The following RNF212B variants were observed in gnomAD, a reference collection of about 807,000 sequenced individuals.
The protein encoded by RNF212B is ring finger protein 212B.
Under a neutral mutation model 55.5 loss-of-function variants are expected in RNF212B, and 52 were observed. The ratio of observed to expected loss-of-function variants is 0.94; its 90% CI spans 0.75 to 1.18. The LOEUF (loss-of-function observed/expected upper bound fraction) is 1.18, where lower values mean the gene tolerates loss of function less well. RNF212B is among the 50% of genes most tolerant of loss of function. The probability of loss-of-function intolerance (pLI) is 0.00; values close to 1 mark genes in which losing one functional copy is unlikely to be tolerated. For synonymous variants in RNF212B, 99 were observed against 121.4 expected, an observed-to-expected ratio of 0.82 and a Z score of 1.21; for missense variants, 289 against 350.4, an observed-to-expected ratio of 0.82 and a Z score of 1.40.
chr14:23,270,122 A>G (rs1885970264), intron 13 of RNF212B, among the ~76,000 whole-genome samples, 162 bp downstream of exon 13: 1 of 152,162 alleles, frequency 6.6e-6, no homozygotes, highest in African/African-American at 2.4e-5. Context: ...TTTTCTTCAG[A>G]GTGAAGGGAA....
intron 2 of RNF212B, among the ~76,000 whole-genome samples, chr14:23,193,629 A>G (rs139594837): frequency 6.6e-6 from 1 of 152,304 alleles, no homozygotes; most frequent in African/African-American, 2.4e-5. Flanking sequence ...AGCGATAGTG[A>G]CACAGAAAAG....
At chr14:23,219,321 G>A (rs969451135) in intron 2 of RNF212B, among the ~76,000 whole-genome samples, 1 of 152,106 alleles carries the variant, frequency 6.6e-6, no homozygotes, top group African/African-American at 2.4e-5. Flanking sequence ...TTCTACTCTT[G>A]TCTTAAATAG....
chr14:23,192,478 T>C (rs577201643), intron 1 of RNF212B, among the ~76,000 whole-genome samples: 35 of 137,038 alleles, frequency 2.6e-4, no homozygotes, highest in African/African-American at 8.9e-4. Flanking sequence ...TAGGTGGGAA[T>C]TGAACAATGA....
chr14:23,240,556 GGT>G, intron 2 of RNF212B, 111 bp downstream of exon 2: 1 of 625,958 alleles, frequency 1.6e-6, no homozygotes, highest in Non-Finnish European at 2.8e-6. Context: ...TTAGGTCAAT[GGT>G]GATAAAGATA....
At chr14:23,211,248 T>C (rs1846456870) in intron 2 of RNF212B, among the ~76,000 whole-genome samples, 1 of 150,886 alleles carries the variant, frequency 6.6e-6, no homozygotes, top group South Asian at 2.1e-4. Flanking sequence ...AGCAACAAAT[T>C]GAACAACTTA....
At chr14:23,262,796 A>G in intron 8 of RNF212B, 85 bp downstream of exon 8, 1 of 1,446,690 alleles carries the variant, frequency 6.9e-7, no homozygotes, top group South Asian at 1.2e-5. Context: ...AGAGACAATA[A>G]TGTGATCTTC....
intron 2 of RNF212B, among the ~76,000 whole-genome samples, chr14:23,212,016 C>A (rs1880570128): frequency 2.6e-5 from 4 of 152,184 alleles, no homozygotes; most frequent in Admixed American, 2.6e-4. Context: ...GCATGAGCCA[C>A]CGTGCCTGAC....
chr14:23,196,046 T>C (rs943827803), intron 2 of RNF212B, among the ~76,000 whole-genome samples: 4 of 152,170 alleles, frequency 2.6e-5, no homozygotes, highest in Admixed American at 2.6e-4. Flanking sequence ...ATTTCTCAAT[T>C]CTTCTCTGGA....
intron 2 of RNF212B, among the ~76,000 whole-genome samples, chr14:23,241,938 C>T (rs1473129223): frequency 3.3e-5 from 5 of 150,992 alleles, no homozygotes; most frequent in Non-Finnish European, 7.4e-5. Context: ...AAAAATTAGC[C>T]GGGCATGGTG....
At chr14:23,225,657 G>A (rs1010118042) in intron 2 of RNF212B, among the ~76,000 whole-genome samples, 1 of 152,012 alleles carries the variant, frequency 6.6e-6, no homozygotes, top group Admixed American at 6.6e-5. Context: ...AGGCGGGGAA[G>A]GGTAGTGGGG....
intron 2 of RNF212B, among the ~76,000 whole-genome samples, chr14:23,219,230 A>G (rs1280997947): frequency 6.6e-6 from 1 of 152,230 alleles, no homozygotes; most frequent in African/African-American, 2.4e-5. Flanking sequence ...GCTAATGAGC[A>G]AGAAGAAATC....
At chr14:23,201,285 AAAGAG>A (rs1879265121) in intron 2 of RNF212B, among the ~76,000 whole-genome samples, 1 of 152,188 alleles carries the variant, frequency 6.6e-6, no homozygotes, top group South Asian at 2.1e-4. Context: ...ACCATCTTCT[AAAGAG>A]AACCAAAACA....
At chr14:23,237,002 C>T (rs541607382), upstream of RNF212B, among the ~76,000 whole-genome samples, 110 of 147,560 alleles carry the variant, frequency 7.5e-4, no homozygotes, top group Middle Eastern at 3.4e-3. Context: ...CTTGCTCCCT[C>T]AACCAGGTTG....
chr14:23,255,995 TG>T (rs750289866), intron 4 of RNF212B, among the ~76,000 whole-genome samples: 1 of 152,186 alleles, frequency 6.6e-6, no homozygotes, highest in Non-Finnish European at 1.5e-5. Context: ...CTTCTTGGAA[TG>T]ATCAGTTTTT....
At chr14:23,214,009 GCT>G (rs1383184541) in intron 2 of RNF212B, among the ~76,000 whole-genome samples, 1 of 152,158 alleles carries the variant, frequency 6.6e-6, no homozygotes, top group African/African-American at 2.4e-5. Context: ...TGTAGTCCTA[GCT>G]GCTTGAGAGG....
At position 23,211,582 on chromosome 14, in the gene RNF212B, C is replaced by T. The variant is rs77661932; in HGVS notation, c.-2+18181C>T. On this transcript the variant is annotated intron_variant, in intron 2 of 15. Transcript: ENST00000399910. The stretch of plus-strand genomic sequence containing the variant: ...GAAAACTAAAGACCAGTTCCTCTCA[C>T]GAACATAAATGCAGCAAATAAAATC... Among the ~76,000 whole-genome samples the T allele has an allele frequency of 1.8e-3, 276 of 152,166 alleles. 1 individual carries two copies. The highest frequency in any genetic ancestry group is 5.9e-3 in the African/African-American group (246 of 41,518).
chr14:23,210,473 A>G (rs941191630), intron 2 of RNF212B, among the ~76,000 whole-genome samples: 1 of 152,182 alleles, frequency 6.6e-6, no homozygotes, highest in Non-Finnish European at 1.5e-5. Flanking sequence ...GTTTTGACAA[A>G]TATCACATAG....
intron 4 of RNF212B, among the ~76,000 whole-genome samples, chr14:23,253,011 T>C (rs1297711908): frequency 8.5e-5 from 13 of 152,096 alleles, no homozygotes; most frequent in Admixed American, 8.5e-4. Flanking sequence ...TTTTCATGCA[T>C]CCATCACTCC....
At chr14:23,243,211 C>T (rs1190314015) in intron 2 of RNF212B, 45 bp from the exon 3 acceptor site, 1 of 1,458,850 alleles carries the variant, frequency 6.9e-7, no homozygotes, top group Non-Finnish European at 9.4e-7. Context: ...TAAATCTTAC[C>T]TCATGCTCAT....
Sources: allele counts gnomAD v4.1 joint callset (sites outside exome capture counted in the v4.1 genomes callset), GRCh38; gene constraint gnomAD v4.1.1; transcripts MANE v1.5; gene names NCBI Gene and HGNC (gene_info 2026-07-23, HGNC 2026-07-21).